The following EDARADD variants were observed in gnomAD, a reference collection of about 807,000 sequenced individuals.
The protein encoded by EDARADD is EDAR associated via death domain.
In EDARADD, 20 loss-of-function variants were observed where a neutral mutation model predicts 25.6. That is an observed-to-expected ratio of 0.78 (90% CI 0.55 to 1.14). The LOEUF is 1.14. Among genes scored for constraint, EDARADD ranks in the 50% most tolerant of loss-of-function variants. EDARADD has a pLI of 0.00. For synonymous variants in EDARADD, 86 were observed against 94.4 expected (o/e 0.91, Z 0.52); for missense variants, 225 against 270.1 (o/e 0.83, Z 1.17).
intron 5 of EDARADD, among the ~76,000 whole-genome samples, chr1:236,481,164 T>TA (rs1035192268): frequency 1.3e-5 from 2 of 152,136 alleles, no homozygotes; most frequent in African/African-American, 2.4e-5. Context: ...TTGTTGTTTT[T>TA]AAAAAAAGAC....
intron 3 of EDARADD, among the ~76,000 whole-genome samples, chr1:236,381,118 T>C (rs1667291278): frequency 6.6e-6 from 1 of 152,214 alleles, no homozygotes; most frequent in East Asian, 1.9e-4. Context: ...CTTTCTGTTA[T>C]TATAAATTAG....
At chr1:236,456,748 G>A (rs895488657) in intron 4 of EDARADD, among the ~76,000 whole-genome samples, 1 of 122,652 alleles carries the variant, frequency 8.2e-6, no homozygotes, top group Non-Finnish European at 1.6e-5. Context: ...CTGCACCTGT[G>A]TTTCGCTGTC....
chr1:236,478,706 C>T (rs1659579379), intron 5 of EDARADD, among the ~76,000 whole-genome samples: 1 of 152,134 alleles, frequency 6.6e-6, no homozygotes, highest in Non-Finnish European at 1.5e-5. Flanking sequence ...CCTGCCTCAG[C>T]CTCCTGAGTA....
rs1280531378 is a variant in EDARADD, at chr1:236,360,319, T to TA, written c.-6+9491dup. Among the ~76,000 whole-genome samples, 455 of 144,578 alleles carry TA rather than the reference T, an allele frequency of 3.1e-3. 1 individual carries two copies. Among genetic ancestry groups the TA allele is most frequent in the African/African-American group, 9.4e-3 (373 of 39,500 alleles). 94.8% of individuals were successfully genotyped at this position (144,578 alleles called of 152,430 possible). On this transcript the variant is annotated intron_variant, in intron 3 of 7. Coordinates refer to the EDARADD transcript ENST00000439430. ...TGGACAACAGAGCTAGATCCTGTCT[T>TA]AAAAAAAAAAAGAAGAAGAAGAAGT...
In EDARADD at chr1:236,483,802, T is replaced by G. The variant is rs1457688622; in HGVS notation, c.*1153T>G. The stretch of plus-strand genomic sequence containing the variant: ...ACCGGTGTGGGGGATGGAGGCGCGT[T>G]TGCTCCCAACATCCTGGAGAATAAA... On this transcript the variant is annotated 3_prime_UTR_variant, in exon 6 of 6. Coordinates refer to ENST00000334232, the MANE Select transcript of EDARADD (RefSeq NM_145861.4). 6.9e-7 allele frequency: 1 copy of G among 1,443,576 alleles called. No homozygotes were observed. The highest frequency in any genetic ancestry group is 2.3e-5 in the East Asian group (1 of 43,904). 89.4% of individuals were successfully genotyped at this position (1,443,576 alleles called of 1,614,324 possible).
At chr1:236,367,387 G>A (rs1158561526) in intron 3 of EDARADD, among the ~76,000 whole-genome samples, 2 of 151,656 alleles carry the variant, frequency 1.3e-5, no homozygotes, top group Non-Finnish European at 2.9e-5. Flanking sequence ...CTGCCACCAC[G>A]CCCAGCTATT....
In EDARADD at chr1:236,398,516, T is replaced by G. The variant is rs562189190; in HGVS notation, c.61+4011T>G. Among the ~76,000 whole-genome samples the G allele has an allele frequency of 6.6e-6, 1 of 152,354 alleles. No homozygotes were observed. The highest frequency in any genetic ancestry group is 1.5e-5 in the Non-Finnish European group (1 of 68,036). On this transcript the variant is annotated intron_variant, in intron 1 of 5. Coordinates refer to ENST00000334232, the MANE Select transcript of EDARADD (RefSeq NM_145861.4). The surrounding 1 kb of genome is among the most constrained non-coding windows in gnomAD (Gnocchi z 4.1). ...CTTGAGGCTTACACACTCTGTGCAA[T>G]CAATCCCTACCTGTTCCTTCACTTG...
At chr1:236,387,403 C>T (rs1206926034) in intron 3 of EDARADD, among the ~76,000 whole-genome samples, 371 of 26,888 alleles carry the variant, frequency 0.014, no homozygotes, top group East Asian at 0.017. Flanking sequence ...CCCGGCCAGC[C>T]GCCCCGTCCG....
chr1:236,454,076 C>T (rs796892904), intron 4 of EDARADD, among the ~76,000 whole-genome samples: 30 of 152,146 alleles, frequency 2.0e-4, no homozygotes, highest in African/African-American at 6.0e-4. Flanking sequence ...GACAGAGTCT[C>T]GCTCTGTTGC....
At chr1:236,477,855 C>A (rs576210734) in intron 5 of EDARADD, among the ~76,000 whole-genome samples, 1 of 152,140 alleles carries the variant, frequency 6.6e-6, no homozygotes, top group Admixed American at 6.6e-5. Context: ...GTAATCTCAG[C>A]ACATTGGGAG....
intron 4 of EDARADD, among the ~76,000 whole-genome samples, chr1:236,433,240 A>AT (rs754515854): frequency 1.5e-4 from 23 of 149,970 alleles, no homozygotes; most frequent in East Asian, 9.9e-4. Context: ...TCCTTTGTAC[A>AT]TTTTTGTATG....
chr1:236,366,394 CA>C (rs1343745370), intron 3 of EDARADD, among the ~76,000 whole-genome samples: 2 of 152,130 alleles, frequency 1.3e-5, no homozygotes, highest in Non-Finnish European at 2.9e-5. Flanking sequence ...TGAGTTTTTC[CA>C]GTCAGCCTGG....
chr1:236,375,837 T>C (rs956000372), intron 3 of EDARADD, among the ~76,000 whole-genome samples: 3 of 150,980 alleles, frequency 2.0e-5, no homozygotes, highest in Non-Finnish European at 4.4e-5. Flanking sequence ...CAGTGAGATA[T>C]GACTGTGCCA....
chr1:236,394,223 A>G, upstream of EDARADD: 1 of 548,068 alleles, frequency 1.8e-6, no homozygotes, highest in South Asian at 2.1e-5. Context: ...CCACAAACCA[A>G]ACCTCCAAAT....
chr1:236,423,963 G>C (rs1262567374), intron 3 of EDARADD, among the ~76,000 whole-genome samples: 1 of 151,934 alleles, frequency 6.6e-6, no homozygotes, highest in East Asian at 2.0e-4. Flanking sequence ...AAAATTAGCC[G>C]GGCGTGGTGG....
chr1:236,378,500 C>T (rs10925112), intron 3 of EDARADD, among the ~76,000 whole-genome samples: 82,846 of 151,966 alleles, frequency 0.55, 23,745 homozygotes, highest in Non-Finnish European at 0.64. Flanking sequence ...CTGTCTGTGT[C>T]TCCAATTCTG....
intron 2 of EDARADD, 30 bp from the exon 3 acceptor site, chr1:236,414,230 A>G: frequency 6.3e-7 from 1 of 1,592,362 alleles, no homozygotes; most frequent in Non-Finnish European, 8.6e-7. Flanking sequence ...GCATTTAAAA[A>G]TAATTCTCCT....
chr1:236,361,436 T>C (rs951971310), intron 3 of EDARADD, among the ~76,000 whole-genome samples: 3 of 151,442 alleles, frequency 2.0e-5, no homozygotes, highest in Non-Finnish European at 4.4e-5. Context: ...TTCCTCAGCC[T>C]CTCCTTCCTC....
At chr1:236,465,814 T>C (rs1659170689) in intron 4 of EDARADD, among the ~76,000 whole-genome samples, 1 of 152,184 alleles carries the variant, frequency 6.6e-6, no homozygotes, top group Non-Finnish European at 1.5e-5. Context: ...GGTTTTCCTA[T>C]TTCACCCTTA....
Sources: gnomAD v4.1 joint callset for allele counts (sites outside exome capture counted in the v4.1 genomes callset) on GRCh38, gnomAD v4.1.1 for gene constraint, Gnocchi (gnomAD v3.1) non-coding constraint, MANE v1.5 for transcripts, NCBI Gene and HGNC (gene_info 2026-07-23, HGNC 2026-07-21) for gene names.